Variants in RGS7 observed in about 807,000 individuals in gnomAD.
RGS7 encodes regulator of G-protein signaling 7.
A neutral mutation model predicts 81.1 loss-of-function variants in RGS7; 27 were observed. The observed-to-expected ratio is 0.33, with a 90% CI of 0.25 to 0.46. The LOEUF (loss-of-function observed/expected upper bound fraction) is 0.46, where lower values mean the gene tolerates loss of function less well. Among genes scored for constraint, RGS7 ranks in the 20% least tolerant of loss-of-function variants. The pLI is 1.00. For synonymous variants in RGS7, 208 were observed against 207.7 expected, an observed-to-expected ratio of 1.00 and a Z score of -0.01; for missense variants, 396 against 607.4, an observed-to-expected ratio of 0.65 and a Z score of 3.66.
chr1:241,132,229 T>A (rs1007978259), intron 2 of RGS7: 3 of 154,766 alleles, frequency 1.9e-5, no homozygotes, highest in African/African-American at 7.2e-5. Flanking sequence ...AGGCCCAATT[T>A]TTTTCCAGGT....
intron 2 of RGS7, among the ~76,000 whole-genome samples, chr1:241,276,154 G>A (rs537070872): frequency 1.3e-5 from 2 of 152,302 alleles, no homozygotes; most frequent in Admixed American, 6.5e-5. Flanking sequence ...AGGTTACAGT[G>A]AGCTTTGTCC....
chr1:241,191,068 G>A (rs12120663), intron 2 of RGS7, among the ~76,000 whole-genome samples: 15,213 of 151,680 alleles, frequency 0.1, 1,239 homozygotes, highest in East Asian at 0.39. Flanking sequence ...TGCAACCTCC[G>A]CCTCCTGGGT....
intron 2 of RGS7, among the ~76,000 whole-genome samples, chr1:241,324,591 C>T (rs529591310): frequency 1.3e-5 from 2 of 152,330 alleles, no homozygotes. Context: ...AAATACTCTT[C>T]TGGAACACAC....
At chr1:241,259,667 A>AAAAAAAAACAT in intron 2 of RGS7, among the ~76,000 whole-genome samples, 1 of 49,146 alleles carries the variant, frequency 2.0e-5, no homozygotes, top group Admixed American at 3.8e-4. Context: ...AAAAAAAAAA[A>AAAAAAAAACAT]ATATATATAT....
At chr1:241,178,839 A>G (rs1011018728) in intron 2 of RGS7, among the ~76,000 whole-genome samples, 1 of 152,194 alleles carries the variant, frequency 6.6e-6, no homozygotes, top group African/African-American at 2.4e-5. Flanking sequence ...ATCAATTACC[A>G]TTTCCATTTA....
intron 2 of RGS7, among the ~76,000 whole-genome samples, chr1:241,224,724 A>G (rs2075215221): frequency 6.6e-6 from 1 of 152,138 alleles, no homozygotes; most frequent in African/African-American, 2.4e-5. Context: ...ACGAAGGCCC[A>G]TGTCTGTCCC....
chr1:241,136,476 AGT>A (rs1432582158), intron 2 of RGS7, among the ~76,000 whole-genome samples: 1 of 151,942 alleles, frequency 6.6e-6, no homozygotes, highest in African/African-American at 2.4e-5. Context: ...GGTAGAGGGG[AGT>A]GTCACTCTGG....
At chr1:241,031,972 T>C (rs2060105875) in intron 3 of RGS7, among the ~76,000 whole-genome samples, 1 of 152,282 alleles carries the variant, frequency 6.6e-6, no homozygotes, top group Non-Finnish European at 1.5e-5. Flanking sequence ...AGAAGTTTCT[T>C]AGTTTAAATG....
At chr1:240,948,892 G>A (rs1679092760) in intron 4 of RGS7, among the ~76,000 whole-genome samples, 1 of 151,198 alleles carries the variant, frequency 6.6e-6, no homozygotes, top group African/African-American at 2.4e-5. Flanking sequence ...GTATAAATGT[G>A]TTGGTATCCC....
intron 2 of RGS7, among the ~76,000 whole-genome samples, chr1:241,261,497 C>G (rs1246353464): frequency 1.3e-5 from 2 of 151,818 alleles, no homozygotes; most frequent in Non-Finnish European, 2.9e-5. Flanking sequence ...GGTGTGGTGG[C>G]ACGTGCCTGT....
At chr1:241,136,454 G>A (rs936249849) in intron 2 of RGS7, among the ~76,000 whole-genome samples, 2 of 152,114 alleles carry the variant, frequency 1.3e-5, no homozygotes, top group East Asian at 1.9e-4. Context: ...ATAAGGGGGG[G>A]GATGTTCATG....
chr1:241,146,640 A>G (rs1188165809), intron 2 of RGS7, among the ~76,000 whole-genome samples: 1 of 152,228 alleles, frequency 6.6e-6, no homozygotes, highest in Non-Finnish European at 1.5e-5. Context: ...AAGGAAGAAA[A>G]TAAAATGTTA....
chr1:241,285,246 T>C lies in RGS7; in HGVS notation c.78+70453A>G, dbSNP rs114459963. Among the ~76,000 whole-genome samples, 1,464 of 152,230 alleles carry C rather than the reference T, an allele frequency of 9.6e-3. 11 individuals are homozygous for C. Among genetic ancestry groups the C allele is most frequent in the African/African-American group, 0.018 (763 of 41,532 alleles). Reference sequence around the variant, plus strand: ...CCAGGCTTTTGTTGGGGACTTGTCTTGTCTGTGCCCATTGGCATTGCTGGG... The same window carrying C: ...CCAGGCTTTTGTTGGGGACTTGTCTCGTCTGTGCCCATTGGCATTGCTGGG... On this transcript the variant is annotated intron_variant, in intron 2 of 18. Transcript: ENST00000440928.
intron 9 of RGS7, among the ~76,000 whole-genome samples, chr1:240,838,523 C>T (rs1306529439): frequency 6.6e-6 from 1 of 152,110 alleles, no homozygotes; most frequent in Non-Finnish European, 1.5e-5. Context: ...CTGTTGCATT[C>T]AACTTGATTT....
At position 241,356,898 on chromosome 1, in the gene RGS7, C is replaced by CCT. The variant is rs2083619565; in HGVS notation, c.-52_-51dup. On this transcript the variant is annotated splice_region_variant and 5_prime_UTR_variant. Coordinates refer to ENST00000440928, the MANE Select transcript of RGS7 (RefSeq NM_001364886.1). Reference sequence around the variant, plus strand: ...CCTCCCCGCCCGCCTTCCCTATTTACCTCCTCCGCCAAGGTCACGGCCCCG... The same window carrying CCT: ...CCTCCCCGCCCGCCTTCCCTATTTACCTCTCCTCCGCCAAGGTCACGGCCCCG... The CCT allele has an allele frequency of 6.6e-6, 1 of 151,824 alleles. No individual in the cohort carries two copies. Among genetic ancestry groups the CCT allele is most frequent in the African/African-American group, 2.4e-5 (1 of 41,348 alleles). The allele number at this position is 151,824 out of a possible 1,614,324, so 9.4% of individuals were successfully genotyped here.
intron 3 of RGS7, among the ~76,000 whole-genome samples, chr1:241,068,238 G>GTGTGTGTGTGTGTGTGTGTATT: frequency 2.8e-5 from 1 of 35,660 alleles, no homozygotes; most frequent in Non-Finnish European, 5.4e-5. Context: ...GTGTGTGTGT[G>GTGTGTGTGTGTGTGTGTGTATT]TATATATATA....
intron 3 of RGS7, among the ~76,000 whole-genome samples, chr1:240,992,794 G>A (rs1686644165): frequency 2.0e-5 from 3 of 151,042 alleles, no homozygotes; most frequent in Admixed American, 6.6e-5. Context: ...CACGAGGTCA[G>A]GAGTTCAAGA....
At chr1:241,003,345 C>T (rs910167706) in intron 3 of RGS7, among the ~76,000 whole-genome samples, 1 of 151,668 alleles carries the variant, frequency 6.6e-6, no homozygotes, top group African/African-American at 2.4e-5. Flanking sequence ...CCTGTAGTCC[C>T]AGCTACTCGG....
intron 2 of RGS7, among the ~76,000 whole-genome samples, chr1:241,337,342 A>G (rs75630806): frequency 0.045 from 6,778 of 152,226 alleles, 391 homozygotes; most frequent in African/African-American, 0.13. Context: ...AAGTTGAACA[A>G]TCATTTAATG....
Sources: allele counts gnomAD v4.1 joint callset (sites outside exome capture counted in the v4.1 genomes callset), GRCh38; gene constraint gnomAD v4.1.1; transcripts MANE v1.5; gene names NCBI Gene and HGNC (gene_info 2026-07-23, HGNC 2026-07-21).